CDK6: variants seen among roughly 807,000 people sequenced by gnomAD.
The protein encoded by CDK6 is cyclin dependent kinase 6.
A neutral mutation model predicts 37.1 loss-of-function variants in CDK6; 6 were observed. That is an observed-to-expected ratio of 0.16 (90% CI 0.09 to 0.32). The LOEUF (loss-of-function observed/expected upper bound fraction) is 0.32, where lower values mean the gene tolerates loss of function less well. Ranked by LOEUF, CDK6 falls within the 10% of genes least tolerant of loss-of-function variation. The pLI, the probability that CDK6 is intolerant of heterozygous loss-of-function variation, is 1.00. For missense variants in CDK6, 224 were observed against 418.9 expected (o/e 0.53, Z 4.06); for synonymous variants, 160 against 161.3 (o/e 0.99, Z 0.06).
In CDK6 at chr7:92,613,585, G is replaced by C. The variant is rs911853472; in HGVS notation, c.*1555C>G. 1 of 233,416 alleles carries C rather than the reference G, an allele frequency of 4.3e-6. No individual in the cohort carries two copies. The highest frequency in any genetic ancestry group is 2.2e-5 in the African/African-American group (1 of 45,364). 14.5% of individuals were successfully genotyped at this position (233,416 alleles called of 1,614,324 possible). ...GCCCAGGCCAGGCTGGCTCTGTAGA[G>C]AGCAGGAGTGAGCACAAGGCACTAG... On this transcript the variant is annotated 3_prime_UTR_variant, in exon 8 of 8. Transcript: ENST00000424848.
At chr7:92,676,508 T>C (rs1366653608) in intron 4 of CDK6, among the ~76,000 whole-genome samples, 1 of 152,200 alleles carries the variant, frequency 6.6e-6, no homozygotes, top group Non-Finnish European at 1.5e-5. Context: ...ACTTATATTT[T>C]TCTATACTTC....
chr7:92,672,184 GACACAT>G (rs1427518943), intron 4 of CDK6, among the ~76,000 whole-genome samples: 81 of 44,134 alleles, frequency 1.8e-3, no homozygotes, highest in Middle Eastern at 0.015. Context: ...CACACACACA[GACACAT>G]ACACACACAC....
intron 2 of CDK6, among the ~76,000 whole-genome samples, chr7:92,807,325 CTAGA>C (rs1440752569): frequency 6.6e-6 from 1 of 151,866 alleles, no homozygotes; most frequent in East Asian, 1.9e-4. Flanking sequence ...ATATCTATAT[CTAGA>C]TAGAGAGATG....
Position 92,729,407 on chromosome 7 carries a change from G to T in CDK6, c.370-3614C>A, listed in dbSNP as rs558876913. ...TTTTTATGTTATACGGCACAGTCTGGTATAAAAAGTTTGAACATTTAGTCA... is the reference window on the plus strand; with the variant it reads ...TTTTTATGTTATACGGCACAGTCTGTTATAAAAAGTTTGAACATTTAGTCA... On this transcript the variant is annotated intron_variant, in intron 3 of 7. Coordinates refer to ENST00000424848, the MANE Select transcript of CDK6 (RefSeq NM_001145306.2). Among the ~76,000 whole-genome samples the T allele has an allele frequency of 5.3e-4, 80 of 152,288 alleles. 1 individual carries two copies. In the South Asian group the frequency reaches 0.016, roughly 30 times the overall value.
chr7:92,725,485 T>C, intron 4 of CDK6, 141 bp downstream of exon 4: 1 of 1,067,928 alleles, frequency 9.4e-7, no homozygotes, highest in Admixed American at 3.0e-5. Context: ...GCCTACCCAC[T>C]GCCATATAAA....
chr7:92,638,359 C>G lies in CDK6; in HGVS notation c.648-15273G>C, dbSNP rs997989242. On this transcript the variant is annotated intron_variant, in intron 5 of 7. Coordinates refer to ENST00000424848, the MANE Select transcript of CDK6 (RefSeq NM_001145306.2). ...TGACTCTGCCAAGCCAATCCCATGT[C>G]CCACAATTGAACAACGTTTCACTGT... is the stretch of plus-strand genomic sequence containing the variant. 2.0e-5 allele frequency among the ~76,000 whole-genome samples: 3 copies of G among 152,206 alleles called. No individual in the cohort carries two copies. In the South Asian group the frequency reaches 6.2e-4, roughly 31 times the overall value.
intron 4 of CDK6, among the ~76,000 whole-genome samples, chr7:92,720,658 T>G (rs1798344837): frequency 6.6e-6 from 1 of 152,192 alleles, no homozygotes; most frequent in Non-Finnish European, 1.5e-5. Context: ...GGGCTGCTGA[T>G]GATGTTCCTG....
rs1254710727 is a variant in CDK6 at position 92,672,158 on chromosome 7, T to TATATATATATATATACAC, written c.538-624_538-623insGTGTATATATATATATAT. Among the ~76,000 whole-genome samples the TATATATATATATATACAC allele has an allele frequency of 6.9e-4, 71 of 102,718 alleles. 2 individuals carry two copies. Among genetic ancestry groups the TATATATATATATATACAC allele is most frequent in the South Asian group, 3.8e-3 (10 of 2,640 alleles). The allele number at this position is 102,718 out of a possible 152,430, so 67.4% of individuals were successfully genotyped here. A position where few individuals can be genotyped will look rare whatever the true frequency, so the allele number is the denominator to read the frequency against. ...ACATATATATATATATATATATATATATACACATACACACACACACACACA... is the reference window on the plus strand; with the variant it reads ...ACATATATATATATATATATATATATATATATATATATATACACATACACATACACACACACACACACA... On this transcript the variant is annotated intron_variant, in intron 4 of 7. Transcript: ENST00000424848.
intron 2 of CDK6, among the ~76,000 whole-genome samples, chr7:92,821,497 T>C (rs1035817856): frequency 6.6e-6 from 1 of 152,082 alleles, no homozygotes; most frequent in Non-Finnish European, 1.5e-5. Context: ...ATTGCTTTAA[T>C]AGAAAAATGT....
At position 92,700,631 on chromosome 7, in the gene CDK6, G is replaced by C. The variant is rs187906450; in HGVS notation, c.537+24995C>G. On this transcript the variant is annotated intron_variant, in intron 4 of 7. Coordinates refer to ENST00000424848, the MANE Select transcript of CDK6 (RefSeq NM_001145306.2). The stretch of plus-strand genomic sequence containing the variant: ...GGTCTGGGGCTCAAGGGAGTGGACC[G>C]AGTTGGACATACATGAGTTCCCTGC... 2.0e-5 allele frequency among the ~76,000 whole-genome samples: 3 copies of C among 152,300 alleles called. No homozygotes were observed. The East Asian group carries it at 5.8e-4, about 29-fold the overall frequency.
intron 2 of CDK6, among the ~76,000 whole-genome samples, chr7:92,799,497 C>CT (rs397891013): frequency 0.095 from 14,029 of 147,242 alleles, 901 homozygotes; most frequent in African/African-American, 0.19. Context: ...TTTCCATAGT[C>CT]TTTTTTTTTT....
chr7:92,777,154 T>C (rs904181804), intron 2 of CDK6, among the ~76,000 whole-genome samples: 3 of 152,228 alleles, frequency 2.0e-5, no homozygotes, highest in Admixed American at 1.3e-4. Flanking sequence ...ATTTATTAAA[T>C]AGGGTATCAT....
intron 5 of CDK6, among the ~76,000 whole-genome samples, chr7:92,636,599 A>G (rs1403846346): frequency 6.6e-6 from 1 of 152,214 alleles, no homozygotes; most frequent in African/African-American, 2.4e-5. Context: ...AGCATTTGAT[A>G]AAAAACAGCA....
intron 2 of CDK6, among the ~76,000 whole-genome samples, chr7:92,825,650 T>A (rs78763703): frequency 7.4e-4 from 113 of 152,312 alleles, no homozygotes; most frequent in African/African-American, 2.5e-3. Context: ...TCATCTTTTA[T>A]AGAAATTATT....
intron 5 of CDK6, among the ~76,000 whole-genome samples, chr7:92,644,415 A>G (rs1796393113): frequency 6.6e-6 from 1 of 152,234 alleles, no homozygotes; most frequent in Admixed American, 6.5e-5. Flanking sequence ...AGACTGAAAT[A>G]AAAATGGCTG....
At chr7:92,821,488 T>A (rs905893717) in intron 2 of CDK6, among the ~76,000 whole-genome samples, 1 of 151,860 alleles carries the variant, frequency 6.6e-6, no homozygotes, top group African/African-American at 2.4e-5. Context: ...ACCAGAAAAA[T>A]TGCTTTAATA....
chr7:92,681,567 A>C (rs1010635634), intron 4 of CDK6, among the ~76,000 whole-genome samples: 3 of 152,180 alleles, frequency 2.0e-5, no homozygotes, highest in Non-Finnish European at 4.4e-5. Flanking sequence ...GTGAATGTCT[A>C]CTCTGTGAGG....
intron 2 of CDK6, among the ~76,000 whole-genome samples, chr7:92,811,376 C>T (rs184929010): frequency 6.6e-4 from 100 of 152,192 alleles, no homozygotes; most frequent in Middle Eastern, 6.8e-3. Context: ...CACTGAGACA[C>T]GTGGCTGAAA....
intron 2 of CDK6, among the ~76,000 whole-genome samples, chr7:92,778,116 C>CA (rs1370829946): frequency 1.3e-5 from 2 of 150,196 alleles, no homozygotes; most frequent in Non-Finnish European, 3.0e-5. Context: ...AAACCAAAAA[C>CA]AAAAAACACT....
Sources: gnomAD v4.1 joint callset for allele counts (sites outside exome capture counted in the v4.1 genomes callset) on GRCh38, gnomAD v4.1.1 for gene constraint, MANE v1.5 for transcripts, NCBI Gene and HGNC (gene_info 2026-07-23, HGNC 2026-07-21) for gene names.